The following ADK variants were observed in gnomAD, a reference collection of about 807,000 sequenced individuals.
The protein encoded by ADK is N6,N6-dimethyladenosine kinase.
ADK carries 24 observed loss-of-function variants against 44.7 expected under a neutral mutation model. The observed-to-expected ratio is 0.54, with a 90% confidence interval of 0.39 to 0.76. The LOEUF (loss-of-function observed/expected upper bound fraction) is 0.76. Among genes scored for constraint, ADK ranks in the 30% least tolerant of loss-of-function variants. The pLI is 0.00. For synonymous variants in ADK, 128 were observed against 142.6 expected, an observed-to-expected ratio of 0.90 and a Z score of 0.73; for missense variants, 321 against 425.1, an observed-to-expected ratio of 0.76 and a Z score of 2.15.
chr10:74,677,595 T>C (rs1382588366), intron 10 of ADK, among the ~76,000 whole-genome samples: 3 of 152,168 alleles, frequency 2.0e-5, no homozygotes, highest in African/African-American at 7.2e-5. Flanking sequence ...TGGTAAGTGT[T>C]GAATATATTG....
At chr10:74,584,848 A>G (rs1421095095) in intron 7 of ADK, among the ~76,000 whole-genome samples, 1 of 152,208 alleles carries the variant, frequency 6.6e-6, no homozygotes, top group Non-Finnish European at 1.5e-5. Context: ...GTATACAGAA[A>G]TCATTGTGTT....
chr10:74,686,047 C>G (rs568265426), intron 10 of ADK, among the ~76,000 whole-genome samples: 1 of 151,924 alleles, frequency 6.6e-6, no homozygotes, highest in Non-Finnish European at 1.5e-5. Context: ...CTGCAAGCTC[C>G]GCCTCCCGGG....
chr10:74,315,217 G>A (rs553388785), intron 4 of ADK, among the ~76,000 whole-genome samples: 102 of 151,986 alleles, frequency 6.7e-4, no homozygotes, highest in Non-Finnish European at 1.2e-3. Flanking sequence ...TACGAAGGAC[G>A]TTTCTGCCAC....
At chr10:74,484,794 A>C (rs1322414496) in intron 6 of ADK, among the ~76,000 whole-genome samples, 2 of 152,216 alleles carry the variant, frequency 1.3e-5, no homozygotes, top group Non-Finnish European at 2.9e-5. Flanking sequence ...TCCATAAGGA[A>C]ATGGTTGATT....
chr10:74,423,625 T>A, intron 6 of ADK: 1 of 368,458 alleles, frequency 2.7e-6, no homozygotes, highest in Non-Finnish European at 5.3e-6. Flanking sequence ...TGCATAGTCC[T>A]GTGCTTCGTG....
At chr10:74,227,918 GTAGA>G (rs1392654375) in intron 3 of ADK, among the ~76,000 whole-genome samples, 1 of 152,134 alleles carries the variant, frequency 6.6e-6, no homozygotes, top group Non-Finnish European at 1.5e-5. Context: ...GCTGAGGCAG[GTAGA>G]TCTCTTGGGC....
intron 6 of ADK, among the ~76,000 whole-genome samples, chr10:74,427,296 T>C (rs547249523): frequency 5.5e-4 from 84 of 152,276 alleles, no homozygotes; most frequent in African/African-American, 1.9e-3. Context: ...CCTCCTGGGT[T>C]CACGCCATTC....
intron 6 of ADK, among the ~76,000 whole-genome samples, chr10:74,494,268 T>C (rs1365732524): frequency 6.6e-6 from 1 of 152,182 alleles, no homozygotes; most frequent in African/African-American, 2.4e-5. Flanking sequence ...AGGTTAGATA[T>C]TATGTACTTA....
chr10:74,216,467 G>A (rs1026261812), intron 2 of ADK, among the ~76,000 whole-genome samples: 4 of 152,042 alleles, frequency 2.6e-5, no homozygotes, highest in African/African-American at 9.7e-5. Flanking sequence ...GCTCGCACCT[G>A]TAATCCTAGT....
At chr10:74,467,625 A>G (rs1279244959) in intron 6 of ADK, among the ~76,000 whole-genome samples, 1 of 152,078 alleles carries the variant, frequency 6.6e-6, no homozygotes, top group African/African-American at 2.4e-5. Flanking sequence ...TTTCTTTTTT[A>G]TGGTAGTTGA....
chr10:74,537,285 T>C (rs895781578), intron 7 of ADK, among the ~76,000 whole-genome samples: 3 of 152,236 alleles, frequency 2.0e-5, no homozygotes, highest in African/African-American at 7.2e-5. Flanking sequence ...TACTTTTAAA[T>C]TACACATCTG....
intron 9 of ADK, among the ~76,000 whole-genome samples, chr10:74,669,048 AAAG>A (rs971358305): frequency 2.4e-4 from 36 of 152,262 alleles, no homozygotes; most frequent in African/African-American, 8.4e-4. Context: ...AAAAAAAAAA[AAAG>A]ATTTTAAAAA....
chr10:74,349,823 G>A (rs1592083286), intron 4 of ADK, among the ~76,000 whole-genome samples: 2 of 152,192 alleles, frequency 1.3e-5, no homozygotes, highest in East Asian at 1.9e-4. Flanking sequence ...ACAAAGAAGG[G>A]CATTACATAA....
chr10:74,701,909 A>G (rs1376842832), intron 10 of ADK, among the ~76,000 whole-genome samples: 1 of 152,158 alleles, frequency 6.6e-6, no homozygotes, highest in Non-Finnish European at 1.5e-5. Context: ...GTACCACTGC[A>G]CTCCAGCCTC....
chr10:74,397,871 T>C (rs1843572593), intron 5 of ADK, among the ~76,000 whole-genome samples: 1 of 152,210 alleles, frequency 6.6e-6, no homozygotes, highest in African/African-American at 2.4e-5. Flanking sequence ...GTATCCTGCT[T>C]AGATATTCCA....
At chr10:74,513,391 ATTTGC>A (rs576150312) in intron 6 of ADK, among the ~76,000 whole-genome samples, 99 of 152,172 alleles carry the variant, frequency 6.5e-4, no homozygotes, top group Non-Finnish European at 1.3e-3. Flanking sequence ...ATCTAATAAT[ATTTGC>A]TTTACATATC....
chr10:74,189,412 T>G (rs1227742747), intron 1 of ADK, among the ~76,000 whole-genome samples: 1 of 152,212 alleles, frequency 6.6e-6, no homozygotes, highest in African/African-American at 2.4e-5. Flanking sequence ...TACCCTGTGG[T>G]GGTCTGTTTT....
At chr10:74,706,024 T>A (rs1297006409) in intron 10 of ADK, among the ~76,000 whole-genome samples, 1 of 152,230 alleles carries the variant, frequency 6.6e-6, no homozygotes, top group Non-Finnish European at 1.5e-5. Context: ...GTTCAGATTA[T>A]TTTTTCTTCT....
intron 4 of ADK, among the ~76,000 whole-genome samples, chr10:74,373,389 C>T (rs1842728605): frequency 6.6e-6 from 1 of 152,066 alleles, no homozygotes; most frequent in African/African-American, 2.4e-5. Flanking sequence ...GAAAAGACAA[C>T]CCACAGAATG....
Sources: gnomAD v4.1 joint callset for allele counts (sites outside exome capture counted in the v4.1 genomes callset) on GRCh38, gnomAD v4.1.1 for gene constraint, MANE v1.5 for transcripts, NCBI Gene and HGNC (gene_info 2026-07-23, HGNC 2026-07-21) for gene names.